ATXN7L3: variants seen among roughly 807,000 people sequenced by gnomAD.
ATXN7L3 encodes ataxin 7 like 3.
Under a neutral mutation model 50.0 loss-of-function variants are expected in ATXN7L3, and 6 were observed. The observed-to-expected ratio is 0.12, with a 90% CI of 0.07 to 0.24. ATXN7L3 has a LOEUF of 0.24. Ranked by LOEUF, ATXN7L3 falls within the 10% of genes least tolerant of loss-of-function variation. The probability of loss-of-function intolerance (pLI) is 1.00; values close to 1 mark genes in which losing one functional copy is unlikely to be tolerated. For missense variants in ATXN7L3, 322 were observed against 451.3 expected (o/e 0.71, Z 2.60); for synonymous variants, 198 against 165.8 (o/e 1.19, Z -1.49).
chr17:44,194,450 T>C (rs755897960), intron 12 of ATXN7L3, 39 bp from the exon 13 acceptor site: 8 of 1,613,584 alleles, frequency 5.0e-6, no homozygotes, highest in East Asian at 2.2e-5. Flanking sequence ...AGTATGGTTA[T>C]GGCAGGAGAG....
chr17:44,197,560 G>C, intron 3 of ATXN7L3, 38 bp downstream of exon 3: 2 of 1,613,636 alleles, frequency 1.2e-6, no homozygotes, highest in Non-Finnish European at 1.7e-6. Flanking sequence ...CAGTCCCAGG[G>C]AAGGGCTGGA....
In ATXN7L3 at chr17:44,194,629, G is replaced by C; in HGVS notation, c.783C>G (p.Asp261Glu). The C allele has an allele frequency of 6.2e-7, 1 of 1,614,026 alleles. No individual in the cohort carries two copies. The highest frequency in any genetic ancestry group is 1.7e-5 in the Admixed American group (1 of 60,022). ...VESSLDNDSFDMTDSQALISR... is the reference protein window; with the variant it reads ...VESSLDNDSFEMTDSQALISR... ...TGATCAGGGCCTGGCTGTCAGTCATGTCAAAGCTGTCATTATCCAGGGAGC... is the reference window on the plus strand; with the variant it reads ...TGATCAGGGCCTGGCTGTCAGTCATCTCAAAGCTGTCATTATCCAGGGAGC... The change falls in exon 12 of 13, where the codon GAC becomes GAG. Residue 261 changes from aspartate to glutamate, a missense_variant. Around this residue, in one of 5 missense-constraint regions of ATXN7L3, gnomAD observed 122 missense variants for 130.8 expected, o/e 0.93. Transcript: ENST00000587097.
In ATXN7L3 at chr17:44,195,198, A is replaced by G. The variant is rs187296899; in HGVS notation, c.622-58T>C. On this transcript the variant is annotated intron_variant, in intron 9 of 12. Coordinates refer to ENST00000587097, the MANE Select transcript of ATXN7L3 (RefSeq NM_001382309.1). Reference sequence around the variant, plus strand: ...GGAAGGAACCTACTCTAGATGTTAGATGTTTCTTTCTGTATAAATGCTAGA... The same window carrying G: ...GGAAGGAACCTACTCTAGATGTTAGGTGTTTCTTTCTGTATAAATGCTAGA... The G allele has an allele frequency of 1.8e-4, 280 of 1,565,840 alleles. 1 individual carries two copies. In the African/African-American group the frequency reaches 3.2e-3, roughly 18 times the overall value.
rs2056080802 is a variant in ATXN7L3 at position 44,199,837 on chromosome 17, C to T, written c.-402G>A. 6.7e-6 allele frequency: 1 copy of T among 148,154 alleles called. No homozygotes were observed. Among genetic ancestry groups the T allele is most frequent in the Non-Finnish European group, 1.5e-5 (1 of 66,260 alleles). 9.2% of individuals were successfully genotyped at this position (148,154 alleles called of 1,614,324 possible). A position where few individuals can be genotyped will look rare whatever the true frequency, so the allele number is the denominator to read the frequency against. On this transcript the variant is annotated 5_prime_UTR_variant, in exon 1 of 13. Coordinates refer to ENST00000587097, the MANE Select transcript of ATXN7L3 (RefSeq NM_001382309.1). Reference sequence around the variant, plus strand: ...GGGTGCGGCGCGAGCCCGGAGCGCGCGCGCGTGTGCCGCGACCGGAGGATG... The same window carrying T: ...GGGTGCGGCGCGAGCCCGGAGCGCGTGCGCGTGTGCCGCGACCGGAGGATG...
At position 44,194,214 on chromosome 17, in the gene ATXN7L3, G is replaced by A. The variant is rs1421523071; in HGVS notation, c.*49C>T. 1.3e-6 allele frequency: 2 copies of A among 1,600,004 alleles called. No individual in the cohort carries two copies. The highest frequency in any genetic ancestry group is 2.2e-5 in the East Asian group (1 of 44,778). On this transcript the variant is annotated 3_prime_UTR_variant, in exon 13 of 13. Coordinates refer to ENST00000587097, the MANE Select transcript of ATXN7L3 (RefSeq NM_001382309.1). ...GCCAGGCTATGCCACCTGGGTGGGG[G>A]TCAGGAGAGAGGGCTCTGCTCAGCC...
At chr17:44,194,451 G>A (rs1567772957) in intron 12 of ATXN7L3, 40 bp from the exon 13 acceptor site, 1 of 1,613,470 alleles carries the variant, frequency 6.2e-7, no homozygotes. Flanking sequence ...GTATGGTTAT[G>A]GCAGGAGAGG....
Position 44,197,144 on chromosome 17 carries a change from C to G in ATXN7L3, c.356+84G>C, listed in dbSNP as rs148158291. On this transcript the variant is annotated intron_variant, in intron 4 of 12. Transcript: ENST00000587097. ...GTGGAGCATCTGGGGCCAAGTAAAA[C>G]CCACCCTCTGTACCTTCCCAATGCC... 617 of 1,568,248 alleles carry G rather than the reference C, an allele frequency of 3.9e-4. 2 individuals are homozygous for G. The African/African-American group carries it at 7.7e-3, about 19-fold the overall frequency.
In ATXN7L3 at chr17:44,192,525, G is replaced by A. The variant is rs571326815; in HGVS notation, c.*1738C>T. The A allele has an allele frequency of 2.0e-5, 3 of 152,220 alleles. No individual in the cohort carries two copies. Among genetic ancestry groups the A allele is most frequent in the African/African-American group, 7.2e-5 (3 of 41,538 alleles). 9.4% of individuals were successfully genotyped at this position (152,220 alleles called of 1,614,324 possible). ...CACTCCCCAGACTGCATCTGGAAGC[G>A]GCTAGAGGCCTGCTGAGATCCTCCT... On this transcript the variant is annotated 3_prime_UTR_variant, in exon 13 of 13. Coordinates refer to ENST00000587097, the MANE Select transcript of ATXN7L3 (RefSeq NM_001382309.1).
Position 44,197,521 on chromosome 17 carries a change from GCA to G in ATXN7L3, c.184+75_184+76del, listed in dbSNP as rs1249446436. ...ACAGGAGCTCCAGGTGCTACATCTA[GCA>G]CAGTTTCCAGAGAAGGAAACTCCAG... On this transcript the variant is annotated intron_variant, in intron 3 of 12. Coordinates refer to ENST00000587097, the MANE Select transcript of ATXN7L3 (RefSeq NM_001382309.1). 6.9e-6 allele frequency: 11 copies of G among 1,605,654 alleles called. No homozygotes were observed. The East Asian group carries it at 1.3e-4, about 20-fold the overall frequency.
At chr17:44,196,361 C>T (rs760212847) in intron 6 of ATXN7L3, 35 bp downstream of exon 6, 6 of 1,613,310 alleles carry the variant, frequency 3.7e-6, no homozygotes, top group South Asian at 1.1e-5. Context: ...CTGTCCTTTA[C>T]CCATTATTTC....
chr17:44,195,943 T>G, intron 7 of ATXN7L3, 91 bp downstream of exon 7: 1 of 1,561,026 alleles, frequency 6.4e-7, no homozygotes, highest in Non-Finnish European at 8.8e-7. Flanking sequence ...CCTCCCTCAA[T>G]TCCCCTATCC....
chr17:44,196,958 T>G lies in ATXN7L3; in HGVS notation c.425A>C (p.Asn142Thr). The change falls in exon 5 of 13, where the codon AAC (asparagine) becomes ACC (threonine). Residue 142 changes from asparagine (N) to threonine (T), a missense_variant. By Grantham distance (65) the Asn-to-Thr change is moderately conservative. Coordinates refer to ENST00000587097, the MANE Select transcript of ATXN7L3 (RefSeq NM_001382309.1). ...DQEDNDDINDNDWSYGSEKKA... is the reference protein window; with the variant it reads ...DQEDNDDINDTDWSYGSEKKA... ...CTTCTCCGAGCCATAGGACCAGTCG[T>G]TGTCATTGATGTCATCATTATCTTC... 2 of 1,613,166 alleles carry G rather than the reference T, an allele frequency of 1.2e-6. No individual in the cohort carries two copies. Among genetic ancestry groups the G allele is most frequent in the Non-Finnish European group, 1.7e-6 (2 of 1,179,458 alleles).
intron 3 of ATXN7L3, 41 bp from the exon 4 acceptor site, chr17:44,197,440 C>G: frequency 6.4e-7 from 1 of 1,573,844 alleles, no homozygotes; most frequent in Admixed American, 1.8e-5. Context: ...GGGCAGGACC[C>G]TCTCCTCTTG....
In ATXN7L3 at chr17:44,193,908, G is replaced by A; in HGVS notation, c.*355C>T. On this transcript the variant is annotated 3_prime_UTR_variant, in exon 13 of 13. Transcript: ENST00000587097. ...CCACATTGCCCCTCAGCAGGGCTTA[G>A]TCCAGTTCCTGGGGTGGGGGGCAGG... The A allele has an allele frequency of 4.1e-6, 1 of 245,610 alleles. No individual in the cohort carries two copies. Among genetic ancestry groups the A allele is most frequent in the Non-Finnish European group, 8.0e-6 (1 of 125,342 alleles). The allele number at this position is 245,610 out of a possible 1,614,324, so 15.2% of individuals were successfully genotyped here.
Position 44,194,434 on chromosome 17 carries a change from G to A in ATXN7L3, c.896-23C>T, listed in dbSNP as rs764138270. On this transcript the variant is annotated intron_variant, in intron 12 of 12. Coordinates refer to ENST00000587097, the MANE Select transcript of ATXN7L3 (RefSeq NM_001382309.1). ...TACCTGTAGAGAAAGAGACACAAGGGATGAGAGTATGGTTATGGCAGGAGA... is the reference window on the plus strand; with the variant it reads ...TACCTGTAGAGAAAGAGACACAAGGAATGAGAGTATGGTTATGGCAGGAGA... 94 of 1,613,810 alleles carry A rather than the reference G, an allele frequency of 5.8e-5. 1 individual carries two copies. The highest frequency in any genetic ancestry group is 2.9e-4 in the East Asian group (13 of 44,896).
chr17:44,194,472 A>T (rs1216878338), intron 12 of ATXN7L3, 45 bp downstream of exon 12: 4 of 1,612,776 alleles, frequency 2.5e-6, no homozygotes, highest in Non-Finnish European at 3.4e-6. Context: ...TGGCACCCCC[A>T]TGGCTTTGGG....
intron 6 of ATXN7L3, 147 bp from the exon 7 acceptor site, chr17:44,196,226 T>TGCCCCCCCCCCCCCAACCCC: frequency 1.4e-6 from 1 of 737,702 alleles, no homozygotes; most frequent in Non-Finnish European, 2.1e-6. Flanking sequence ...CCATGTGCCC[T>TGCCCCCCCCCCCCCAACCCC]CCCCCACCCC....
At position 44,195,781 on chromosome 17, in the gene ATXN7L3, A is replaced by AGG; in HGVS notation, c.552+17_552+18dup. 6.3e-7 allele frequency: 1 copy of AGG among 1,594,668 alleles called. No individual in the cohort carries two copies. Among genetic ancestry groups the AGG allele is most frequent in the East Asian group, 2.2e-5 (1 of 44,764 alleles). On this transcript the variant is annotated intron_variant, in intron 8 of 12. Coordinates refer to ENST00000587097, the MANE Select transcript of ATXN7L3 (RefSeq NM_001382309.1). Reference sequence around the variant, plus strand: ...AACCAGGACAATGAGAGCAAGCATGAGGGGCGGCCCATACTCACCTTAAAA... The same window carrying AGG: ...AACCAGGACAATGAGAGCAAGCATGAGGGGGGCGGCCCATACTCACCTTAAAA...
At chr17:44,196,215 C>T in intron 6 of ATXN7L3, 136 bp from the exon 7 acceptor site, 1 of 1,161,486 alleles carries the variant, frequency 8.6e-7, no homozygotes, top group Admixed American at 2.1e-5. Flanking sequence ...GGCCTGTCTA[C>T]CCATGTGCCC....
Sources: gnomAD v4.1 joint callset for allele counts on GRCh38, gnomAD v4.1.1 for gene constraint, gnomAD v4.1.1 regional missense constraint, MANE v1.5 for transcripts, NCBI Gene and HGNC (gene_info 2026-07-23, HGNC 2026-07-21) for gene names.